GRIA3: variants seen among roughly 807,000 people sequenced by gnomAD.
GRIA3 encodes glutamate receptor 3.
GRIA3 carries 3 observed loss-of-function variants against 63.0 expected under a neutral mutation model. That is an observed-to-expected ratio of 0.05 (90% CI 0.02 to 0.12). The LOEUF (loss-of-function observed/expected upper bound fraction) is 0.12, where lower values mean the gene tolerates loss of function less well. Ranked by LOEUF, GRIA3 falls within the 10% of genes least tolerant of loss-of-function variation. The pLI, the probability that GRIA3 is intolerant of heterozygous loss-of-function variation, is 1.00. For missense variants in GRIA3, 347 were observed against 700.9 expected (o/e 0.50, Z 5.70); for synonymous variants, 274 against 257.9 (o/e 1.06, Z -0.60).
chrX:123,214,803 C>G (rs1007863276), intron 2 of GRIA3, among the ~76,000 whole-genome samples: 1 of 112,222 alleles, frequency 8.9e-6, no homozygotes, highest in Admixed American at 9.4e-5. Context: ...ATGAAGAAAA[C>G]CTGACATACA....
chrX:123,222,399 T>C (rs1036833369), intron 2 of GRIA3, among the ~76,000 whole-genome samples: 1 of 112,209 alleles, frequency 8.9e-6, no homozygotes, highest in Non-Finnish European at 1.9e-5. Context: ...ATGCAAAAAA[T>C]ATAAGAAATT....
At chrX:123,292,924 CA>C (rs1371090874) in intron 3 of GRIA3, among the ~76,000 whole-genome samples, 1 of 111,140 alleles carries the variant, frequency 9.0e-6, no homozygotes, top group Non-Finnish European at 1.9e-5. Context: ...TTTCTGGTAA[CA>C]GGTGCACTCC....
chrX:123,204,098 T>A (rs1927817667), intron 2 of GRIA3, among the ~76,000 whole-genome samples: 1 of 112,380 alleles, frequency 8.9e-6, no homozygotes, highest in Admixed American at 9.4e-5. Flanking sequence ...TGGCAAATTA[T>A]TTGGAGTCTC....
intron 10 of GRIA3, among the ~76,000 whole-genome samples, chrX:123,413,290 CT>C (rs2045516964): frequency 9.1e-6 from 1 of 110,004 alleles, no homozygotes; most frequent in South Asian, 3.9e-4. Flanking sequence ...CTTCTTATTT[CT>C]TTTTTCTAAA....
At chrX:123,449,798 T>A (rs1231912797) in intron 12 of GRIA3, among the ~76,000 whole-genome samples, 2 of 112,042 alleles carry the variant, frequency 1.8e-5, no homozygotes, top group African/African-American at 6.5e-5. Flanking sequence ...TTAATTCTAA[T>A]CTGTGCCACA....
At chrX:123,194,036 T>C (rs1425064877) in intron 2 of GRIA3, among the ~76,000 whole-genome samples, 1 of 111,339 alleles carries the variant, frequency 9.0e-6, no homozygotes, top group Non-Finnish European at 1.9e-5. Context: ...TAAATTCTGG[T>C]ACTTTATTCA....
At chrX:123,246,110 G>C (rs1265631708) in intron 2 of GRIA3, among the ~76,000 whole-genome samples, 1 of 111,758 alleles carries the variant, frequency 8.9e-6, no homozygotes, top group East Asian at 2.8e-4. Flanking sequence ...ATTTGGACTA[G>C]ATAATTCATT....
At chrX:123,260,441 A>G (rs866815716) in intron 3 of GRIA3, among the ~76,000 whole-genome samples, 1 of 13,411 alleles carries the variant, frequency 7.5e-5, no homozygotes, top group Non-Finnish European at 1.8e-4. Context: ...AGAAAGAAAG[A>G]AAGAAAGAAA....
rs1463120132 is a variant in GRIA3, at chrX:123,417,702, A to G, written c.1801A>G (p.Asn601Asp). ...RDPQSPPDPPNEFGIFNSLWF... is the reference protein window; with the variant it reads ...RDPQSPPDPPDEFGIFNSLWF... ...CCCACAAAGTCCTCCTGATCCTCCA[A>G]ATGAATTTGGAATATTTAACAGTCT... is the stretch of plus-strand genomic sequence containing the variant. The change falls in exon 11 of 16, where the codon AAT becomes GAT. Residue 601 changes from asparagine to aspartate, a missense_variant. Transcript: ENST00000620443. 5 of 1,165,902 alleles carry G rather than the reference A, an allele frequency of 4.3e-6. No homozygotes were observed. Among genetic ancestry groups the G allele is most frequent in the Non-Finnish European group, 5.7e-6 (5 of 872,800 alleles).
At chrX:123,437,657 TC>T (rs1322770293) in intron 12 of GRIA3, among the ~76,000 whole-genome samples, 1 of 111,349 alleles carries the variant, frequency 9.0e-6, no homozygotes, top group Non-Finnish European at 1.9e-5. Context: ...GATTTATGAT[TC>T]ATTTTGGAGG....
intron 3 of GRIA3, among the ~76,000 whole-genome samples, chrX:123,297,686 T>C (rs1264002834): frequency 1.8e-5 from 2 of 111,707 alleles, no homozygotes; most frequent in African/African-American, 6.5e-5. Context: ...AATCCTACCT[T>C]TGCTACTTAC....
chrX:123,365,967 T>C (rs1242679665), intron 5 of GRIA3, among the ~76,000 whole-genome samples: 2 of 111,951 alleles, frequency 1.8e-5, no homozygotes, highest in Non-Finnish European at 3.8e-5. Context: ...ATGAGTTTTC[T>C]GGGAAAGTGG....
intron 4 of GRIA3, among the ~76,000 whole-genome samples, chrX:123,329,964 G>A (rs1405483351): frequency 8.9e-6 from 1 of 111,747 alleles, no homozygotes; most frequent in East Asian, 2.8e-4. Flanking sequence ...TCTATTCAGA[G>A]ACGCAGCATA....
Position 123,297,591 on chromosome X carries a change from C to A in GRIA3, c.509-28435C>A, listed in dbSNP as rs533566810. On this transcript the variant is annotated intron_variant, in intron 3 of 15. Transcript: ENST00000620443. Reference sequence around the variant, plus strand: ...GGTTACACTTTTTCATTTATCATCCCATTTAATCCTCACATTAATTCGATG... The same window carrying A: ...GGTTACACTTTTTCATTTATCATCCAATTTAATCCTCACATTAATTCGATG... 4.5e-5 allele frequency among the ~76,000 whole-genome samples: 5 copies of A among 111,777 alleles called. No homozygotes were observed. In the East Asian group the frequency reaches 1.4e-3, roughly 32 times the overall value.
intron 12 of GRIA3, among the ~76,000 whole-genome samples, chrX:123,446,668 CAG>C (rs2045704467): frequency 8.9e-6 from 1 of 112,227 alleles, no homozygotes; most frequent in Non-Finnish European, 1.9e-5. Context: ...GAGAGAAAAA[CAG>C]ATAACTCTTG....
At chrX:123,353,384 A>G (rs2045111374) in intron 4 of GRIA3, among the ~76,000 whole-genome samples, 1 of 112,179 alleles carries the variant, frequency 8.9e-6, no homozygotes, top group African/African-American at 3.2e-5. Context: ...GAAAAATTAC[A>G]TAAACTCTCT....
intron 2 of GRIA3, among the ~76,000 whole-genome samples, chrX:123,210,821 C>T (rs774323719): frequency 2.7e-5 from 3 of 111,436 alleles, no homozygotes; most frequent in East Asian, 5.6e-4. Flanking sequence ...TATGCATATT[C>T]GAAATACCTA....
At chrX:123,288,235 C>T (rs1316786971) in intron 3 of GRIA3, among the ~76,000 whole-genome samples, 1 of 111,554 alleles carries the variant, frequency 9.0e-6, no homozygotes, top group East Asian at 2.8e-4. Flanking sequence ...GAAACTGGAC[C>T]CCTTCCTTAC....
intron 3 of GRIA3, among the ~76,000 whole-genome samples, chrX:123,280,078 A>G (rs2044576684): frequency 8.9e-6 from 1 of 112,024 alleles, no homozygotes; most frequent in Non-Finnish European, 1.9e-5. Context: ...AGACATTTGT[A>G]ACTCCATCTT....
Sources: allele counts gnomAD v4.1 joint callset (sites outside exome capture counted in the v4.1 genomes callset), GRCh38; gene constraint gnomAD v4.1.1; transcripts MANE v1.5; gene names NCBI Gene and HGNC (gene_info 2026-07-23, HGNC 2026-07-21).